The following CNTNAP4 variants were observed in gnomAD, a reference collection of about 807,000 sequenced individuals.
The protein encoded by CNTNAP4 is contactin associated protein family member 4.
Under a neutral mutation model 148.4 loss-of-function variants are expected in CNTNAP4, and 98 were observed. The observed-to-expected ratio is 0.66, with a 90% confidence interval of 0.56 to 0.78. CNTNAP4 has a LOEUF of 0.78. CNTNAP4 is among the 30% of genes least tolerant of loss of function. The pLI, the probability that CNTNAP4 is intolerant of heterozygous loss-of-function variation, is 0.00. For synonymous variants in CNTNAP4, 730 were observed against 565.1 expected (o/e 1.29, Z -4.14); for missense variants, 1,935 against 1,565.6 (o/e 1.24, Z -3.98).
chr16:76,439,305 T>TC (rs2079950457), intron 4 of CNTNAP4, among the ~76,000 whole-genome samples: 4 of 151,954 alleles, frequency 2.6e-5, no homozygotes, highest in Non-Finnish European at 4.4e-5. Context: ...AAAAGAGAGA[T>TC]AACTTTGAGA....
chr16:76,490,361 GATTC>G (rs1291878446), intron 13 of CNTNAP4, among the ~76,000 whole-genome samples: 2 of 152,198 alleles, frequency 1.3e-5, no homozygotes, highest in African/African-American at 4.8e-5. Flanking sequence ...AGACACAGTT[GATTC>G]ACTAGTTCAA....
chr16:76,385,858 G>A (rs911286966), intron 3 of CNTNAP4, among the ~76,000 whole-genome samples: 4 of 151,988 alleles, frequency 2.6e-5, no homozygotes, highest in Non-Finnish European at 5.9e-5. Context: ...TATTTTCTCC[G>A]TAAGGTGCAT....
At chr16:76,387,070 C>G (rs908448385) in intron 3 of CNTNAP4, among the ~76,000 whole-genome samples, 1 of 152,118 alleles carries the variant, frequency 6.6e-6, no homozygotes, top group African/African-American at 2.4e-5. Context: ...ATGCATCCTG[C>G]TGACATCTTG....
At chr16:76,304,976 TGTATG>T (rs1054070610) in intron 1 of CNTNAP4, among the ~76,000 whole-genome samples, 4 of 152,218 alleles carry the variant, frequency 2.6e-5, no homozygotes, top group African/African-American at 9.6e-5. Flanking sequence ...TTTGGTGATA[TGTATG>T]TAGCACAGTT....
At chr16:76,400,916 T>C (rs930101973) in intron 3 of CNTNAP4, among the ~76,000 whole-genome samples, 1 of 152,202 alleles carries the variant, frequency 6.6e-6, no homozygotes, top group Non-Finnish European at 1.5e-5. Context: ...TTGATACCAT[T>C]ACCATGGTGT....
chr16:76,408,586 A>C (rs1223377546), intron 3 of CNTNAP4, among the ~76,000 whole-genome samples: 1 of 151,974 alleles, frequency 6.6e-6, no homozygotes, highest in African/African-American at 2.4e-5. Flanking sequence ...AAAACTTCCT[A>C]GCTTTATATC....
chr16:76,556,144 G>T (rs1041600337), intron 23 of CNTNAP4, among the ~76,000 whole-genome samples: 1 of 152,006 alleles, frequency 6.6e-6, no homozygotes, highest in Non-Finnish European at 1.5e-5. Context: ...CTTGCAAAAT[G>T]AATGGTATAA....
chr16:76,545,903 C>G (rs2084702939), intron 21 of CNTNAP4, among the ~76,000 whole-genome samples: 1 of 151,964 alleles, frequency 6.6e-6, no homozygotes, highest in Non-Finnish European at 1.5e-5. Flanking sequence ...GGCGTGGTAG[C>G]ATGCGCCCGT....
intron 21 of CNTNAP4, among the ~76,000 whole-genome samples, chr16:76,543,571 G>A (rs1173063572): frequency 6.6e-6 from 1 of 152,242 alleles, no homozygotes; most frequent in Non-Finnish European, 1.5e-5. Context: ...TGTCTACAGG[G>A]ATGGAGAAAG....
At chr16:76,476,628 G>A (rs1003524138) in intron 11 of CNTNAP4, among the ~76,000 whole-genome samples, 2 of 152,196 alleles carry the variant, frequency 1.3e-5, no homozygotes, top group African/African-American at 4.8e-5. Context: ...AGCAGATTAG[G>A]TGAGGGTGTG....
At chr16:76,394,128 G>A (rs139643605) in intron 3 of CNTNAP4, among the ~76,000 whole-genome samples, 2 of 152,268 alleles carry the variant, frequency 1.3e-5, no homozygotes, top group East Asian at 3.9e-4. Flanking sequence ...ATGAGGAAAT[G>A]TGTATCTTTA....
At chr16:76,279,221 C>A (rs1227379948) in intron 1 of CNTNAP4, among the ~76,000 whole-genome samples, 3 of 152,168 alleles carry the variant, frequency 2.0e-5, no homozygotes, top group Non-Finnish European at 2.9e-5. Context: ...GTCACTCTTA[C>A]AATGTAAAGC....
intron 1 of CNTNAP4, among the ~76,000 whole-genome samples, chr16:76,298,865 G>T (rs1433581518): frequency 6.6e-6 from 1 of 152,072 alleles, no homozygotes; most frequent in East Asian, 1.9e-4. Context: ...AGTTGGGTGG[G>T]GGCAGGTAGG....
intron 17 of CNTNAP4, among the ~76,000 whole-genome samples, chr16:76,528,434 T>C (rs1347788767): frequency 6.6e-6 from 1 of 152,074 alleles, no homozygotes; most frequent in Non-Finnish European, 1.5e-5. Context: ...CCAGGCTATT[T>C]TTTGTATTTT....
At position 76,478,444 on chromosome 16, in the gene CNTNAP4, A is replaced by G. The variant is rs116480137; in HGVS notation, c.1763-975A>G. 2.0e-3 allele frequency among the ~76,000 whole-genome samples: 309 copies of G among 152,322 alleles called. 1 individual carries two copies. The highest frequency in any genetic ancestry group is 6.9e-3 in the African/African-American group (285 of 41,582). The stretch of plus-strand genomic sequence containing the variant: ...ACACTGTGGAGAAGTGCGGAAGTAA[A>G]TTTACATGATTACTTGAAATTTTGG... On this transcript the variant is annotated intron_variant, in intron 11 of 23. Transcript: ENST00000611870.
chr16:76,459,016 A>T (rs528609435), intron 8 of CNTNAP4, among the ~76,000 whole-genome samples: 1 of 152,278 alleles, frequency 6.6e-6, no homozygotes, highest in East Asian at 1.9e-4. Context: ...ATCAATTTGC[A>T]ATAGATCAGA....
chr16:76,298,561 A>G (rs190430797), intron 1 of CNTNAP4, among the ~76,000 whole-genome samples: 3 of 150,696 alleles, frequency 2.0e-5, no homozygotes, highest in Non-Finnish European at 4.4e-5. Flanking sequence ...AAGCAGCCAG[A>G]GTCTCAGTTC....
intron 3 of CNTNAP4, among the ~76,000 whole-genome samples, chr16:76,414,972 A>G (rs1346499447): frequency 6.7e-6 from 1 of 149,686 alleles, no homozygotes; most frequent in Non-Finnish European, 1.5e-5. Flanking sequence ...TTTTTTCCCT[A>G]ATTTTGGTAA....
intron 3 of CNTNAP4, among the ~76,000 whole-genome samples, chr16:76,379,679 C>G (rs1256360693): frequency 6.6e-6 from 1 of 152,214 alleles, no homozygotes; most frequent in East Asian, 1.9e-4. Flanking sequence ...AGCTGTGACA[C>G]TATCTTTTGA....
Sources: allele counts gnomAD v4.1 joint callset (sites outside exome capture counted in the v4.1 genomes callset), GRCh38; gene constraint gnomAD v4.1.1; transcripts MANE v1.5; gene names NCBI Gene and HGNC (gene_info 2026-07-23, HGNC 2026-07-21).